The following SLC43A3 variants were observed in gnomAD, a reference collection of about 807,000 sequenced individuals.
SLC43A3 encodes equilibrative nucleobase transporter 1.
In SLC43A3, 33 loss-of-function variants were observed where a neutral mutation model predicts 53.3. The ratio of observed to expected loss-of-function variants is 0.62; its 90% CI spans 0.47 to 0.83. SLC43A3 has a LOEUF of 0.83. Ranked by LOEUF, SLC43A3 falls within the 40% of genes least tolerant of loss-of-function variation. The probability of loss-of-function intolerance (pLI) is 0.00; values close to 1 mark genes in which losing one functional copy is unlikely to be tolerated. For missense variants in SLC43A3, 530 were observed against 610.0 expected, an observed-to-expected ratio of 0.87 and a Z score of 1.38; for synonymous variants, 236 against 246.2, an observed-to-expected ratio of 0.96 and a Z score of 0.39.
Position 57,407,909 on chromosome 11 carries a change from C to A in SLC43A3, c.1372-13G>T, listed in dbSNP as rs1292888071. 1.3e-6 allele frequency: 2 copies of A among 1,565,974 alleles called. No homozygotes were observed. Among genetic ancestry groups the A allele is most frequent in the Admixed American group, 3.3e-5 (2 of 59,818 alleles). ...ACATCACATTCACCTGCAGGGAGAG[C>A]AGAAGTGAGGTGAAATCCAGGAATT... is the stretch of plus-strand genomic sequence containing the variant. On this transcript the variant is annotated splice_polypyrimidine_tract_variant and intron_variant, in intron 13 of 13. Coordinates refer to ENST00000395124, the MANE Select transcript of SLC43A3 (RefSeq NM_199329.3).
rs772257393 is a variant in SLC43A3, at chr11:57,417,819, A to C, written c.600T>G (p.His200Gln). Residue 200 changes from histidine (H) to glutamine (Q), a missense_variant, in exon 8 of 14, where the codon CAT becomes CAG. Around this residue, in one of 3 missense-constraint regions of SLC43A3, gnomAD observed 376 missense variants for 386.7 expected, o/e 0.97. Transcript: ENST00000395124. ...FIFISVCSTW[H>Q]VARTFLLMPR... is the part of the protein sequence containing the mutation. The stretch of plus-strand genomic sequence containing the variant: ...GCATCAGGAGGAAAGTGCGTGCTAC[A>C]TGCCAGGTACTGCAGACAGAGATGA... The C allele has an allele frequency of 6.2e-7, 1 of 1,614,204 alleles. No individual in the cohort carries two copies. The highest frequency in any genetic ancestry group is 2.2e-5 in the East Asian group (1 of 44,868).
At chr11:57,409,407 A>T (rs1020861751) in intron 12 of SLC43A3, 109 bp from the exon 13 acceptor site, 2 of 1,279,502 alleles carry the variant, frequency 1.6e-6, no homozygotes, top group Non-Finnish European at 2.2e-6. Context: ...CCCCTGTCCT[A>T]GGCCTGCCCT....
Position 57,415,033 on chromosome 11 carries a change from C to G in SLC43A3, c.843G>C (p.Trp281Cys). The change falls in exon 10 of 14, where the codon TGG (tryptophan) becomes TGC (cysteine). Residue 281 changes from tryptophan to cysteine, a missense_variant. By Grantham distance (215) the Trp-to-Cys change is radical. Around this residue, in one of 3 missense-constraint regions of SLC43A3, gnomAD observed 376 missense variants for 386.7 expected, o/e 0.97. Transcript: ENST00000395124. ...GTATCACAGACAGCCACACCAGGTG[C>G]CAGGCAAAGCGCCGAGAGAAAGCGT... Reference protein sequence around the residue: ...WSYAFSRRFAWHLVWLSVIQL... With the variant: ...WSYAFSRRFACHLVWLSVIQL... 2 of 1,614,210 alleles carry G rather than the reference C, an allele frequency of 1.2e-6. No homozygotes were observed. Among genetic ancestry groups the G allele is most frequent in the East Asian group, 2.2e-5 (1 of 44,872 alleles).
Position 57,426,186 on chromosome 11 carries a change from G to T in SLC43A3, c.-14C>A. 6.2e-7 allele frequency: 1 copy of T among 1,613,116 alleles called. No homozygotes were observed. The highest frequency in any genetic ancestry group is 2.2e-5 in the East Asian group (1 of 44,870). On this transcript the variant is annotated 5_prime_UTR_variant, in exon 3 of 14. Coordinates refer to ENST00000395124, the MANE Select transcript of SLC43A3 (RefSeq NM_199329.3). ...CTGGCCCGCCATGAGCAGAAGTGGAGTGGATCTTCAAATCCCACTTTGTCC... is the reference window on the plus strand; with the variant it reads ...CTGGCCCGCCATGAGCAGAAGTGGATTGGATCTTCAAATCCCACTTTGTCC...
upstream of SLC43A3, chr11:57,427,399 C>T (rs1212548713): frequency 6.5e-6 from 1 of 152,732 alleles, no homozygotes; most frequent in African/African-American, 2.4e-5. Context: ...GTTACTCGCT[C>T]AGGCCCACCT....
intron 4 of SLC43A3, 44 bp from the exon 5 acceptor site, chr11:57,424,072 G>T: frequency 2.5e-6 from 4 of 1,586,754 alleles, no homozygotes; most frequent in Non-Finnish European, 2.6e-6. Flanking sequence ...CAAGGAGGGA[G>T]AAACCTGGGA....
At chr11:57,416,794 T>C (rs1389070114) in intron 8 of SLC43A3, 124 bp from the exon 9 acceptor site, 1 of 718,376 alleles carries the variant, frequency 1.4e-6, no homozygotes. Flanking sequence ...TTTTAGCCAC[T>C]CTGATGCCCA....
At chr11:57,411,558 G>C (rs564902276) in intron 11 of SLC43A3, among the ~76,000 whole-genome samples, 159 of 151,918 alleles carry the variant, frequency 1.0e-3, no homozygotes, top group African/African-American at 3.8e-3. Context: ...CAAGCTACTT[G>C]GGAGGCTGAA....
chr11:57,412,674 A>G (rs1187380066), intron 11 of SLC43A3, among the ~76,000 whole-genome samples: 1 of 152,016 alleles, frequency 6.6e-6, no homozygotes, highest in African/African-American at 2.4e-5. Flanking sequence ...TTAGCCAGGT[A>G]GTGGGTGCCT....
At chr11:57,417,376 G>A (rs1269562230) in intron 8 of SLC43A3, among the ~76,000 whole-genome samples, 1 of 152,190 alleles carries the variant, frequency 6.6e-6, no homozygotes, top group Admixed American at 6.5e-5. Context: ...AGCCCACGCT[G>A]GCTTGCTGGA....
In SLC43A3 at chr11:57,417,888, C is replaced by T. The variant is rs1942792659; in HGVS notation, c.532-1G>A. ...GGCTGATGCCTTTTTCATAAAGAAG[C>T]TGCAGAAGGAGAAGGAAAAAGTCAG... On this transcript the variant is annotated splice_acceptor_variant, in intron 7 of 13. Coordinates refer to ENST00000395124, the MANE Select transcript of SLC43A3 (RefSeq NM_199329.3). LOFTEE classifies it high-confidence loss of function. 3 of 1,613,776 alleles carry T rather than the reference C, an allele frequency of 1.9e-6. No homozygotes were observed. In the African/African-American group the frequency reaches 4.0e-5, roughly 22 times the overall value.
rs112826917 is a variant in SLC43A3 at position 57,407,799 on chromosome 11, A to G, written c.1469T>C (p.Ile490Thr). 1,228 of 1,604,550 alleles carry G rather than the reference A, an allele frequency of 7.7e-4. 14 individuals carry two copies. The African/African-American group carries it at 0.015, about 20-fold the overall frequency. Residue 490 changes from isoleucine (I) to threonine (T), a missense_variant, in exon 14 of 14, where the codon ATT becomes ACT. Ile to Thr is a moderately conservative substitution (Grantham distance 89). Around this residue, in one of 3 missense-constraint regions of SLC43A3, gnomAD observed 124 missense variants for 166.4 expected, o/e 0.75. Transcript: ENST00000395124. ...CRTWKESPSA[I>T]A ...AAAGTGAGGGCTTCTGAACTATGCA[A>G]TTGCAGAGGGACTTTCTTTCCAAGT...
chr11:57,417,673 G>C (rs967789466), intron 8 of SLC43A3, 75 bp downstream of exon 8: 2 of 1,547,670 alleles, frequency 1.3e-6, no homozygotes, highest in Non-Finnish European at 1.8e-6. Context: ...TCCTGTGATA[G>C]GTTTGCTTTA....
intron 7 of SLC43A3, among the ~76,000 whole-genome samples, chr11:57,420,141 G>A (rs2135041560): frequency 6.6e-6 from 1 of 152,338 alleles, no homozygotes; most frequent in Middle Eastern, 3.4e-3. Flanking sequence ...CATCTGTGGT[G>A]TGCTGGCTTT....
At chr11:57,410,868 A>G (rs1942424335) in intron 11 of SLC43A3, among the ~76,000 whole-genome samples, 1 of 152,090 alleles carries the variant, frequency 6.6e-6, no homozygotes, top group Non-Finnish European at 1.5e-5. Flanking sequence ...ACGAGATCTG[A>G]TGGGTTTATC....
At position 57,417,764 on chromosome 11, in the gene SLC43A3, G is replaced by A. The variant is rs372592462; in HGVS notation, c.655C>T (p.Pro219Ser). Residue 219 changes from proline (P) to serine (S), a missense_variant, in exon 8 of 14, where the codon CCC becomes TCC. This residue lies in a region of SLC43A3 where 376 missense variants were observed against 386.7 expected (regional missense o/e 0.97). Transcript: ENST00000395124. ...AGTCCTTACCCATAGCTGTAGTTGG[G>A]GGGCAGTGGGTATGGGATGTGCCCC... ...PRGHIPYPLP[P>S]NYSYGLCPGN... 1.3e-5 allele frequency: 21 copies of A among 1,614,170 alleles called. No homozygotes were observed. The South Asian group carries it at 2.1e-4, about 16-fold the overall frequency.
At chr11:57,423,782 T>A in intron 5 of SLC43A3, 200 bp downstream of exon 5, 1 of 555,614 alleles carries the variant, frequency 1.8e-6, no homozygotes, top group Non-Finnish European at 3.2e-6. Flanking sequence ...CTCTCCATCA[T>A]CCTTGCTTTT....
intron 11 of SLC43A3, among the ~76,000 whole-genome samples, chr11:57,414,281 C>T (rs1324211583): frequency 2.6e-5 from 4 of 152,090 alleles, no homozygotes; most frequent in East Asian, 1.9e-4. Context: ...GAGGCTGAGG[C>T]GGGCAGATCA....
rs769955380 is a variant in SLC43A3 at position 57,414,631 on chromosome 11, C to A, written c.1044G>T (p.Lys348Asn). 3.7e-6 allele frequency: 6 copies of A among 1,611,386 alleles called. No homozygotes were observed. In the African/African-American group the frequency reaches 6.7e-5, roughly 18 times the overall value. ...LMDRLKQKYQ[K>N]EARKTGSSTL... is the part of the protein sequence containing the mutation. Reference sequence around the variant, plus strand: ...GCATCTCACCTGTCTTTCTTGCTTCCTTCTGGTACTTCTGTTTAAGCCGGT... The same window carrying A: ...GCATCTCACCTGTCTTTCTTGCTTCATTCTGGTACTTCTGTTTAAGCCGGT... The change falls in exon 11 of 14, where the codon AAG becomes AAT. Residue 348 changes from lysine to asparagine, a missense_variant. Around this residue, in one of 3 missense-constraint regions of SLC43A3, gnomAD observed 376 missense variants for 386.7 expected, o/e 0.97. Coordinates refer to ENST00000395124, the MANE Select transcript of SLC43A3 (RefSeq NM_199329.3).
Sources: allele counts gnomAD v4.1 joint callset (sites outside exome capture counted in the v4.1 genomes callset), GRCh38; gene constraint gnomAD v4.1.1; regional missense constraint gnomAD v4.1.1; transcripts MANE v1.5; gene names NCBI Gene and HGNC (gene_info 2026-07-23, HGNC 2026-07-21).